The following HAUS7 variants were observed in gnomAD, a reference collection of about 807,000 sequenced individuals.
The protein encoded by HAUS7 is HAUS augmin like complex subunit 7, also known as HAUS augmin-like complex subunit 7.
HAUS7 carries 3 observed loss-of-function variants against 28.4 expected under a neutral mutation model. The ratio of observed to expected loss-of-function variants is 0.11; its 90% CI spans 0.05 to 0.27. HAUS7 has a LOEUF of 0.27. Ranked by LOEUF, HAUS7 falls within the 10% of genes least tolerant of loss-of-function variation. The pLI is 1.00. For synonymous variants in HAUS7, 165 were observed against 132.1 expected, an observed-to-expected ratio of 1.25 and a Z score of -1.71; for missense variants, 284 against 297.3, an observed-to-expected ratio of 0.96 and a Z score of 0.33.
intron 1 of HAUS7, chrX:153,482,461 T>C: frequency 1.3e-6 from 1 of 755,965 alleles, no homozygotes; most frequent in South Asian, 6.7e-5. Flanking sequence ...GCTTCCGTGG[T>C]GCGGGCGAGT....
intron 4 of HAUS7, among the ~76,000 whole-genome samples, chrX:153,460,266 T>TA (rs1390955255): frequency 9.0e-6 from 1 of 111,417 alleles, no homozygotes; most frequent in African/African-American, 3.3e-5. Context: ...GAATGGGGAG[T>TA]GGCTACTCAG....
chrX:153,471,474 C>T (rs1296970071), upstream of HAUS7, among the ~76,000 whole-genome samples: 1 of 112,604 alleles, frequency 8.9e-6, no homozygotes, highest in Non-Finnish European at 1.9e-5. Flanking sequence ...AAACTCAATG[C>T]GTCTGCAATG....
At chrX:153,473,225 T>C (rs2089540783), upstream of HAUS7, among the ~76,000 whole-genome samples, 1 of 112,621 alleles carries the variant, frequency 8.9e-6, no homozygotes, top group South Asian at 3.6e-4. Flanking sequence ...GCAGCGGGAA[T>C]CAACCAGGGA....
chrX:153,464,181 A>T (rs1175534750), intron 3 of HAUS7, among the ~76,000 whole-genome samples: 1 of 112,516 alleles, frequency 8.9e-6, no homozygotes, highest in Non-Finnish European at 1.9e-5. Flanking sequence ...ACTTGACAGG[A>T]GAGGAAACAG....
At chrX:153,463,670 G>A (rs186967074) in intron 3 of HAUS7, among the ~76,000 whole-genome samples, 200 of 112,518 alleles carry the variant, frequency 1.8e-3, no homozygotes, top group Middle Eastern at 0.014. Flanking sequence ...GATCTGGCCC[G>A]TCCCCTCCCA....
At chrX:153,464,032 G>A (rs1449002664) in intron 3 of HAUS7, among the ~76,000 whole-genome samples, 3 of 112,805 alleles carry the variant, frequency 2.7e-5, no homozygotes, top group Non-Finnish European at 5.6e-5. Context: ...CGCATGTGGT[G>A]GCTGCTCCTT....
At chrX:153,452,085 C>A (rs1306981701) in intron 9 of HAUS7, among the ~76,000 whole-genome samples, 1 of 112,617 alleles carries the variant, frequency 8.9e-6, no homozygotes, top group Admixed American at 9.4e-5. Flanking sequence ...TCATCATATA[C>A]CAGCTGGCTT....
At chrX:153,487,363 G>A (rs2089645704) in intron 1 of HAUS7, among the ~76,000 whole-genome samples, 1 of 112,512 alleles carries the variant, frequency 8.9e-6, no homozygotes, top group Non-Finnish European at 1.9e-5. Context: ...GAGGTTCAGG[G>A]CACCTGCCAT....
intron 1 of HAUS7, among the ~76,000 whole-genome samples, chrX:153,493,781 C>T (rs1344364557): frequency 9.0e-6 from 1 of 111,218 alleles, no homozygotes; most frequent in African/African-American, 3.3e-5. Flanking sequence ...CTGGGAGCAT[C>T]CTCCCTGGCC....
chrX:153,469,318 TTTTATTTA>T, intron 1 of HAUS7, 57 bp from the exon 2 acceptor site: 2 of 548,093 alleles, frequency 3.6e-6, no homozygotes, highest in Non-Finnish European at 6.3e-6. Flanking sequence ...CATCATTTCA[TTTTATTTA>T]TTTATTTATT....
At chrX:153,485,819 C>T (rs1439280181) in intron 1 of HAUS7, 2 of 901,101 alleles carry the variant, frequency 2.2e-6, no homozygotes, top group African/African-American at 2.1e-5. Context: ...GCACGTGCCC[C>T]GCTTCCTGCC....
intron 9 of HAUS7, among the ~76,000 whole-genome samples, chrX:153,450,810 G>A (rs1053683044): frequency 8.9e-6 from 1 of 112,334 alleles, no homozygotes; most frequent in African/African-American, 3.2e-5. Flanking sequence ...CAGATCGCTG[G>A]GAGGTGAAAC....
chrX:153,486,041 G>A (rs1556988477), intron 1 of HAUS7: 8 of 967,552 alleles, frequency 8.3e-6, no homozygotes, highest in Admixed American at 3.2e-5. Context: ...CATCCCACGC[G>A]GCCTCCTGGG....
intron 9 of HAUS7, 39 bp from the exon 10 acceptor site, chrX:153,447,948 G>C (rs34998023): frequency 1.9e-6 from 2 of 1,061,670 alleles, no homozygotes; most frequent in South Asian, 1.9e-5. Flanking sequence ...GATGGTGGGA[G>C]TGTAAACTAG....
At chrX:153,460,789 G>A (rs1221667370) in intron 4 of HAUS7, among the ~76,000 whole-genome samples, 2 of 112,364 alleles carry the variant, frequency 1.8e-5, no homozygotes, top group Non-Finnish European at 3.8e-5. Flanking sequence ...AGGATTCCGA[G>A]TTCTCCTGCA....
rs782816017 is a variant in HAUS7 at position 153,486,793 on chromosome X, G to C, written c.-589+8581C>G. On this transcript the variant is annotated intron_variant, in intron 1 of 5. Transcript: ENST00000370210. Reference sequence around the variant, plus strand: ...CGTGGTCCTCCAGCCCCAGCGGCGGGGGGAGGAGGGCTCCTAGTCCTGCCT... The same window carrying C: ...CGTGGTCCTCCAGCCCCAGCGGCGGCGGGAGGAGGGCTCCTAGTCCTGCCT... 7.1e-6 allele frequency: 7 copies of C among 981,065 alleles called. No homozygotes were observed. The East Asian group carries it at 3.0e-4, about 42-fold the overall frequency. 80.9% of individuals were successfully genotyped at this position (981,065 alleles called of 1,213,427 possible). A position where few individuals can be genotyped will look rare whatever the true frequency, so the allele number is the denominator to read the frequency against.
chrX:153,454,968 A>G (rs1556981766), intron 8 of HAUS7: 1 of 1,022,315 alleles, frequency 9.8e-7, no homozygotes, highest in Non-Finnish European at 1.3e-6. Flanking sequence ...AACATCACGG[A>G]ATCCTTGAGC....
chrX:153,486,573 C>G (rs1241988047), intron 1 of HAUS7: 2 of 891,536 alleles, frequency 2.2e-6, no homozygotes, highest in East Asian at 1.5e-4. Flanking sequence ...TGAATGATGC[C>G]TACCCCGTCT....
At chrX:153,467,831 C>T (rs782382574) in intron 2 of HAUS7, among the ~76,000 whole-genome samples, 13 of 112,851 alleles carry the variant, frequency 1.2e-4, no homozygotes, top group Non-Finnish European at 1.7e-4. Flanking sequence ...TTGAGGGCTC[C>T]AGCAGGGGCA....
Sources: allele counts gnomAD v4.1 joint callset (sites outside exome capture counted in the v4.1 genomes callset), GRCh38; gene constraint gnomAD v4.1.1; transcripts MANE v1.5; gene names NCBI Gene and HGNC (gene_info 2026-07-23, HGNC 2026-07-21).